The following GABRG2 variants were observed in gnomAD, a reference collection of about 807,000 sequenced individuals.
GABRG2 encodes gamma-aminobutyric acid type A receptor subunit gamma2, also known as gamma-aminobutyric acid receptor subunit gamma-2.
GABRG2 carries 16 observed loss-of-function variants against 56.4 expected under a neutral mutation model. The ratio of observed to expected loss-of-function variants is 0.28; its 90% CI spans 0.19 to 0.43. GABRG2 has a LOEUF of 0.43. Among genes scored for constraint, GABRG2 ranks in the 20% least tolerant of loss-of-function variants. The pLI, the probability that GABRG2 is intolerant of heterozygous loss-of-function variation, is 1.00. For synonymous variants in GABRG2, 208 were observed against 205.5 expected (o/e 1.01, Z -0.10); for missense variants, 327 against 582.7 (o/e 0.56, Z 4.52).
intron 6 of GABRG2, among the ~76,000 whole-genome samples, chr5:162,119,027 A>G (rs1173604819): frequency 1.3e-5 from 2 of 152,164 alleles, no homozygotes; most frequent in East Asian, 3.9e-4. Context: ...GCATTTGAGA[A>G]TGCTGGACCC....
intron 1 of GABRG2, among the ~76,000 whole-genome samples, chr5:162,068,766 C>T (rs1561632550): frequency 1.3e-5 from 2 of 152,062 alleles, no homozygotes; most frequent in African/African-American, 4.8e-5. Flanking sequence ...CTCAGGGCAT[C>T]CACAGAGTCA....
chr5:162,128,490 C>T (rs1377382249), intron 6 of GABRG2: 1 of 151,928 alleles, frequency 6.6e-6, no homozygotes, highest in Non-Finnish European at 1.5e-5. Context: ...CCCTGGCTTC[C>T]CTTCTCCTGA....
At chr5:162,107,474 CAGA>C (rs776339516) in intron 6 of GABRG2, among the ~76,000 whole-genome samples, 59 of 152,182 alleles carry the variant, frequency 3.9e-4, no homozygotes, top group Non-Finnish European at 3.5e-4. Context: ...TTGATATAAA[CAGA>C]AGAATAGAAG....
intron 1 of GABRG2, among the ~76,000 whole-genome samples, chr5:162,073,967 T>A (rs2113131613): frequency 6.6e-6 from 1 of 152,022 alleles, no homozygotes; most frequent in Non-Finnish European, 1.5e-5. Flanking sequence ...ATACATCACA[T>A]TGCACAAGTA....
chr5:162,111,702 T>G (rs965042959), intron 6 of GABRG2, among the ~76,000 whole-genome samples: 1 of 152,242 alleles, frequency 6.6e-6, no homozygotes, highest in African/African-American at 2.4e-5. Flanking sequence ...ATGAGGAAAC[T>G]AAGGTTTAGA....
chr5:162,143,307 A>G (rs928243723), intron 7 of GABRG2, among the ~76,000 whole-genome samples: 3 of 152,214 alleles, frequency 2.0e-5, no homozygotes, highest in African/African-American at 7.2e-5. Flanking sequence ...TCTTTACAGA[A>G]CAGCGATGGA....
chr5:162,134,370 C>T (rs543408705), intron 6 of GABRG2, among the ~76,000 whole-genome samples: 1 of 152,118 alleles, frequency 6.6e-6, no homozygotes, highest in Non-Finnish European at 1.5e-5. Flanking sequence ...TGGGTCAGAA[C>T]AGTGTTTAAT....
At chr5:162,147,837 G>C (rs531371164) in intron 7 of GABRG2, among the ~76,000 whole-genome samples, 1 of 152,158 alleles carries the variant, frequency 6.6e-6, no homozygotes, top group Non-Finnish European at 1.5e-5. Context: ...CCTGGTAAAA[G>C]TTGGGATTAT....
At chr5:162,083,635 T>C (rs1759831841) in intron 1 of GABRG2, 2 of 158,530 alleles carry the variant, frequency 1.3e-5, no homozygotes, top group Non-Finnish European at 2.9e-5. Flanking sequence ...AGAACGTTTT[T>C]GGTATTGTCT....
chr5:162,093,788 T>G, intron 1 of GABRG2, 40 bp from the exon 2 acceptor site: 2 of 1,590,732 alleles, frequency 1.3e-6, no homozygotes. Flanking sequence ...TCAACTTGTG[T>G]GTAATCTATG....
chr5:162,070,868 A>G (rs1248710345), intron 1 of GABRG2, among the ~76,000 whole-genome samples: 1 of 151,956 alleles, frequency 6.6e-6, no homozygotes. Flanking sequence ...AGTATTTTCA[A>G]CAAGTACCCT....
intron 8 of GABRG2, 23 bp from the exon 9 acceptor site, chr5:162,151,707 C>G (rs1378807964): frequency 1.1e-5 from 18 of 1,587,534 alleles, no homozygotes; most frequent in Non-Finnish European, 1.5e-5. Context: ...ATGCAATTCT[C>G]TTTTCTGTCT....
intron 1 of GABRG2, among the ~76,000 whole-genome samples, chr5:162,086,981 G>A (rs1760171607): frequency 6.6e-6 from 1 of 151,982 alleles, no homozygotes; most frequent in South Asian, 2.1e-4. Flanking sequence ...CTGGGTTATA[G>A]AGTACAGAAA....
At chr5:162,078,393 ATATATTTTTTT>A (rs1224564545) in intron 1 of GABRG2, among the ~76,000 whole-genome samples, 3 of 33,264 alleles carry the variant, frequency 9.0e-5, no homozygotes, top group African/African-American at 4.2e-4. Context: ...ATATATATAT[ATATATTTTTTT>A]TTTTTTTTTT....
intron 6 of GABRG2, among the ~76,000 whole-genome samples, chr5:162,108,434 A>G (rs940185518): frequency 6.6e-6 from 1 of 152,182 alleles, no homozygotes; most frequent in Non-Finnish European, 1.5e-5. Flanking sequence ...TTACACTCAC[A>G]TTGAATCTCA....
At chr5:162,131,803 G>A (rs1763776899) in intron 6 of GABRG2, among the ~76,000 whole-genome samples, 1 of 151,940 alleles carries the variant, frequency 6.6e-6, no homozygotes, top group Non-Finnish European at 1.5e-5. Flanking sequence ...CTTTGCAGCT[G>A]TTAACTTGTT....
chr5:162,135,357 G>A (rs895875400), intron 6 of GABRG2, among the ~76,000 whole-genome samples: 18 of 152,060 alleles, frequency 1.2e-4, no homozygotes, highest in Non-Finnish European at 2.2e-4. Context: ...AAAAGCCAAT[G>A]TTGATCTCCA....
intron 5 of GABRG2, 42 bp from the exon 6 acceptor site, chr5:162,103,847 T>C: frequency 6.2e-7 from 1 of 1,611,184 alleles, no homozygotes; most frequent in Non-Finnish European, 8.5e-7. Context: ...CATATGCTAA[T>C]TTATAATCAT....
chr5:162,129,482 GA>G (rs890340392), intron 6 of GABRG2, among the ~76,000 whole-genome samples: 37 of 147,172 alleles, frequency 2.5e-4, no homozygotes, highest in Middle Eastern at 3.5e-3. Flanking sequence ...TTTAAAAAGT[GA>G]AAAAAAAAAT....
Sources: gnomAD v4.1 joint callset for allele counts (sites outside exome capture counted in the v4.1 genomes callset) on GRCh38, gnomAD v4.1.1 for gene constraint, MANE v1.5 for transcripts, NCBI Gene and HGNC (gene_info 2026-07-23, HGNC 2026-07-21) for gene names.